SNX9: variants seen among roughly 807,000 people sequenced by gnomAD.
The protein encoded by SNX9 is sorting nexin-9.
Under a neutral mutation model 89.4 loss-of-function variants are expected in SNX9, and 44 were observed. That is an observed-to-expected ratio of 0.49 (90% CI 0.39 to 0.63). SNX9 has a LOEUF of 0.63. Ranked by LOEUF, SNX9 falls within the 30% of genes least tolerant of loss-of-function variation. The probability of loss-of-function intolerance (pLI) is 0.00; values close to 1 mark genes in which losing one functional copy is unlikely to be tolerated. For missense variants in SNX9, 578 were observed against 736.1 expected, an observed-to-expected ratio of 0.79 and a Z score of 2.49; for synonymous variants, 236 against 247.8, an observed-to-expected ratio of 0.95 and a Z score of 0.45.
chr6:157,854,727 A>G (rs1439912596), intron 1 of SNX9, among the ~76,000 whole-genome samples: 2 of 152,202 alleles, frequency 1.3e-5, no homozygotes, highest in East Asian at 1.9e-4. Context: ...TGAAAAGTCT[A>G]GGAATATGGT....
chr6:157,927,307 A>C, intron 11 of SNX9, 93 bp downstream of exon 11: 1 of 782,950 alleles, frequency 1.3e-6, no homozygotes, highest in Non-Finnish European at 2.2e-6. Flanking sequence ...GCCGAAACTC[A>C]AATCAGACTA....
chr6:157,914,480 T>TTTTTTTTTTTTTTTTTTTTTTTTTC (rs1562616572), intron 9 of SNX9, among the ~76,000 whole-genome samples: 1 of 133,330 alleles, frequency 7.5e-6, no homozygotes, highest in African/African-American at 3.0e-5. Flanking sequence ...TTTTTTTTTT[T>TTTTTTTTTTTTTTTTTTTTTTTTTC]TTTTTTTTTT....
At chr6:157,835,101 C>T (rs939815302) in intron 1 of SNX9, among the ~76,000 whole-genome samples, 2 of 152,120 alleles carry the variant, frequency 1.3e-5, no homozygotes, top group African/African-American at 2.4e-5. Flanking sequence ...CAACCTCCAC[C>T]TCCTGGGTTC....
intron 15 of SNX9, 91 bp from the exon 16 acceptor site, chr6:157,938,542 T>C (rs1783971997): frequency 1.3e-6 from 1 of 783,574 alleles, no homozygotes; most frequent in East Asian, 2.7e-5. Flanking sequence ...CAGTAGCAAA[T>C]CAGTTATAGA....
At chr6:157,865,678 C>T (rs942480347) in intron 1 of SNX9, among the ~76,000 whole-genome samples, 1 of 152,230 alleles carries the variant, frequency 6.6e-6, no homozygotes, top group Non-Finnish European at 1.5e-5. Flanking sequence ...GTCACATATT[C>T]GTCCATCAGT....
intron 4 of SNX9, among the ~76,000 whole-genome samples, chr6:157,889,380 G>A (rs565141705): frequency 4.0e-4 from 56 of 141,044 alleles, no homozygotes; most frequent in African/African-American, 1.4e-3. Flanking sequence ...GCAGTGAGCC[G>A]AGATCACACC....
At chr6:157,842,383 A>T (rs978440056) in intron 1 of SNX9, among the ~76,000 whole-genome samples, 4 of 152,216 alleles carry the variant, frequency 2.6e-5, no homozygotes, top group Non-Finnish European at 5.9e-5. Context: ...CAGTGCTCTT[A>T]TCAAAATCCT....
chr6:157,903,372 G>A (rs117743436), intron 6 of SNX9, among the ~76,000 whole-genome samples: 1 of 152,160 alleles, frequency 6.6e-6, no homozygotes, highest in East Asian at 1.9e-4. Flanking sequence ...GTGATTAAAT[G>A]AGTTCTCTTT....
chr6:157,917,085 T>C (rs1342408367), intron 9 of SNX9, among the ~76,000 whole-genome samples: 1 of 152,218 alleles, frequency 6.6e-6, no homozygotes, highest in Admixed American at 6.5e-5. Flanking sequence ...CCTTCATAGC[T>C]ATAGGACTAT....
At chr6:157,941,236 G>A (rs1462268828) in intron 17 of SNX9, among the ~76,000 whole-genome samples, 1 of 152,090 alleles carries the variant, frequency 6.6e-6, no homozygotes, top group African/African-American at 2.4e-5. Flanking sequence ...TCCTTATTGT[G>A]CAGCTCCTTC....
chr6:157,916,285 C>G (rs1413996594), intron 9 of SNX9, among the ~76,000 whole-genome samples: 1 of 152,182 alleles, frequency 6.6e-6, no homozygotes, highest in African/African-American at 2.4e-5. Flanking sequence ...TCACCCGCCT[C>G]GGCCTCCCAA....
At chr6:157,930,999 A>G (rs1014011862) in intron 12 of SNX9, among the ~76,000 whole-genome samples, 3 of 152,212 alleles carry the variant, frequency 2.0e-5, no homozygotes, top group Non-Finnish European at 4.4e-5. Context: ...TAAATCCCTT[A>G]TGTCTAATGT....
intron 2 of SNX9, among the ~76,000 whole-genome samples, chr6:157,868,966 C>G (rs1334634246): frequency 6.6e-6 from 1 of 152,194 alleles, no homozygotes; most frequent in Non-Finnish European, 1.5e-5. Flanking sequence ...CCCTCGTGAC[C>G]GTCACTCATA....
chr6:157,889,430 CAAAAAAAA>C (rs56303673), intron 4 of SNX9, among the ~76,000 whole-genome samples: 3 of 58,504 alleles, frequency 5.1e-5, no homozygotes, highest in Non-Finnish European at 1.2e-4. Flanking sequence ...GACCCTGTCT[CAAAAAAAA>C]AAAAAAAAAA....
intron 1 of SNX9, among the ~76,000 whole-genome samples, chr6:157,854,295 C>T (rs1285005786): frequency 2.0e-5 from 3 of 152,292 alleles, no homozygotes; most frequent in African/African-American, 7.2e-5. Flanking sequence ...ATTTTCTTAG[C>T]CACAGCAAAG....
chr6:157,875,114 C>G lies in SNX9; in HGVS notation c.238C>G (p.Leu80Val). Reference sequence around the variant, plus strand: ...AAATTCAGTGGCTGACCAAGCCTTCCTTGATTCTCTCTCAGCCAGCACAGC... The same window carrying G: ...AAATTCAGTGGCTGACCAAGCCTTCGTTGATTCTCTCTCAGCCAGCACAGC... ...CGNSVADQAF[L>V]DSLSASTAQA... The change falls in exon 4 of 18, where the codon CTT (leucine) becomes GTT (valine). Residue 80 changes from leucine to valine, a missense_variant. This residue lies in a region of SNX9 where 230 missense variants were observed against 244.7 expected (regional missense o/e 0.94). Coordinates refer to ENST00000392185, the MANE Select transcript of SNX9 (RefSeq NM_016224.5). 1 of 1,614,048 alleles carries G rather than the reference C, an allele frequency of 6.2e-7. No homozygotes were observed. The highest frequency in any genetic ancestry group is 1.3e-5 in the African/African-American group (1 of 75,032).
intron 1 of SNX9, among the ~76,000 whole-genome samples, chr6:157,866,138 T>G (rs186797233): frequency 1.3e-5 from 2 of 152,364 alleles, no homozygotes; most frequent in East Asian, 3.9e-4. Flanking sequence ...ACCACGGTGA[T>G]TCTCTCTTGG....
intron 1 of SNX9, among the ~76,000 whole-genome samples, chr6:157,863,441 A>G (rs1782188666): frequency 1.3e-5 from 2 of 152,260 alleles, no homozygotes; most frequent in African/African-American, 4.8e-5. Flanking sequence ...TCTAGTAGCC[A>G]TTCATGTCAT....
rs1331637650 is a variant in SNX9, at chr6:157,823,399, C to G, written c.-36C>G. The G allele has an allele frequency of 2.4e-6, 3 of 1,270,248 alleles. No individual in the cohort carries two copies. Among genetic ancestry groups the G allele is most frequent in the East Asian group, 3.9e-5 (1 of 25,652 alleles). 78.7% of individuals were successfully genotyped at this position (1,270,248 alleles called of 1,614,324 possible). Reference sequence around the variant, plus strand: ...GAATCACCATCCGCGGCGCGGGAGACGAGCCGGCCGTCCCGGGCCGGGGGA... The same window carrying G: ...GAATCACCATCCGCGGCGCGGGAGAGGAGCCGGCCGTCCCGGGCCGGGGGA... On this transcript the variant is annotated 5_prime_UTR_variant, in exon 1 of 18. Transcript: ENST00000392185. The surrounding 1 kb of genome is among the most constrained non-coding windows in gnomAD (Gnocchi z 4.6).
Sources: allele counts gnomAD v4.1 joint callset (sites outside exome capture counted in the v4.1 genomes callset), GRCh38; gene constraint gnomAD v4.1.1; regional missense constraint gnomAD v4.1.1; non-coding constraint Gnocchi (gnomAD v3.1); transcripts MANE v1.5; gene names NCBI Gene and HGNC (gene_info 2026-07-23, HGNC 2026-07-21).